The following C4orf50 variants were observed in gnomAD, a reference collection of about 807,000 sequenced individuals.
C4orf50 encodes uncharacterized protein C4orf50.
In C4orf50, 80 loss-of-function variants were observed where a neutral mutation model predicts 77.2. The observed-to-expected ratio is 1.04, with a 90% CI of 0.87 to 1.25. The LOEUF (loss-of-function observed/expected upper bound fraction) is 1.25. Ranked by LOEUF, C4orf50 falls within the 50% of genes most tolerant of loss-of-function variation. The pLI is 0.00. For synonymous variants in C4orf50, 532 were observed against 465.3 expected (o/e 1.14, Z -1.84); for missense variants, 1,257 against 1,152.9 (o/e 1.09, Z -1.31).
At chr4:5,989,661 T>C in exon 28 of C4orf50, 2 of 1,536,120 alleles carry the variant, frequency 1.3e-6, no homozygotes, top group Non-Finnish European at 1.7e-6. Context: ...ACCTGTTGTG[T>C]CCTTTGCTCA....
chr4:5,991,419 G>C (rs1481584227), intron 27 of C4orf50, among the ~76,000 whole-genome samples: 1 of 152,224 alleles, frequency 6.6e-6, no homozygotes, highest in Non-Finnish European at 1.5e-5. Context: ...TCCACTCCCT[G>C]AGGACAGGAC....
Position 6,017,722 on chromosome 4 carries a change from C to A in C4orf50, c.287+423G>T, listed in dbSNP as rs540550024. Among the ~76,000 whole-genome samples the A allele has an allele frequency of 1.3e-5, 2 of 152,258 alleles. No homozygotes were observed. Among genetic ancestry groups the A allele is most frequent in the East Asian group, 3.9e-4 (2 of 5,172 alleles). On this transcript the variant is annotated intron_variant, in intron 23 of 33. Transcript: ENST00000531445. The surrounding 1 kb of genome is among the most constrained non-coding windows in gnomAD (Gnocchi z 4.7). ...AAACCATGCTTCTGTCTGCCAGTTC[C>A]CCTAAAAAAATCACCCCAAACCGAC...
chr4:5,932,170 G>A lies in C4orf50; in HGVS notation c.*2474+24731C>T, dbSNP rs1309917171. ...CCTGCCAGGTGTAAACCCACTGGCT[G>A]GCTATCTTCACAGGCAGGTGAACCA... On this transcript the variant is annotated intron_variant, in intron 7 of 7. Coordinates refer to the C4orf50 transcript ENST00000324058. The surrounding 1 kb of genome is among the most constrained non-coding windows in gnomAD (Gnocchi z 4.2). Among the ~76,000 whole-genome samples the A allele has an allele frequency of 6.6e-5, 10 of 151,774 alleles. No homozygotes were observed. Among genetic ancestry groups the A allele is most frequent in the South Asian group, 2.1e-4 (1 of 4,816 alleles).
At chr4:6,004,289 G>GTGA (rs1560598970) in intron 25 of C4orf50, among the ~76,000 whole-genome samples, 2 of 54,630 alleles carry the variant, frequency 3.7e-5, no homozygotes, top group African/African-American at 1.3e-4. Flanking sequence ...GGTGATGTTG[G>GTGA]TGATGATGGT....
Position 5,932,490 on chromosome 4 carries a change from C to T in C4orf50, c.*2474+24411G>A, listed in dbSNP as rs1426859727. Among the ~76,000 whole-genome samples, 1 of 152,176 alleles carries T rather than the reference C, an allele frequency of 6.6e-6. No homozygotes were observed. The highest frequency in any genetic ancestry group is 6.5e-5 in the Admixed American group (1 of 15,284). ...TTTGTTTTGGAGCCTGGCTGGAGTG[C>T]CGTGGCTCCATCACAGTTCACTGCA... On this transcript the variant is annotated intron_variant, in intron 7 of 7. Transcript: ENST00000324058. The surrounding 1 kb of genome is among the most constrained non-coding windows in gnomAD (Gnocchi z 4.2).
chr4:5,959,597 A>G (rs777666618), exon 34 of C4orf50: 39 of 1,614,020 alleles, frequency 2.4e-5, no homozygotes, highest in Non-Finnish European at 3.2e-5. Context: ...ACGTTCCAGG[A>G]TCAAGCGTGG....
rs1267053234 is a variant in C4orf50 at position 6,008,270 on chromosome 4, G to A, written c.689C>T (p.Ser230Phe). The A allele has an allele frequency of 1.3e-5, 5 of 392,376 alleles. No individual in the cohort carries two copies. The highest frequency in any genetic ancestry group is 2.1e-5 in the African/African-American group (1 of 48,190). 24.3% of individuals were successfully genotyped at this position (392,376 alleles called of 1,614,324 possible). A position where few individuals can be genotyped will look rare whatever the true frequency, so the allele number is the denominator to read the frequency against. Reference sequence around the variant, plus strand: ...CGCAGCCGCCTCGGTGGCGCCCTGGGAGCCTGGGGCCGCGGTGTCCCACTG... The same window carrying A: ...CGCAGCCGCCTCGGTGGCGCCCTGGAAGCCTGGGGCCGCGGTGTCCCACTG... Residue 230 changes from serine (S) to phenylalanine (F), a missense_variant, in exon 25 of 34, where the codon TCC (serine) becomes TTC (phenylalanine). Transcript: ENST00000531445. The surrounding 1 kb of genome is among the most constrained non-coding windows in gnomAD (Gnocchi z 6.0).
At chr4:5,930,496 A>C (rs1177468906) in intron 7 of C4orf50, among the ~76,000 whole-genome samples, 1 of 152,190 alleles carries the variant, frequency 6.6e-6, no homozygotes, top group Non-Finnish European at 1.5e-5. Context: ...AGTTGCTAGA[A>C]GAATCAAAGT....
chr4:5,922,874 T>C (rs12644007), intron 7 of C4orf50, among the ~76,000 whole-genome samples: 55,294 of 152,170 alleles, frequency 0.36, 11,619 homozygotes, highest in East Asian at 0.77. Flanking sequence ...CCCAACCCTG[T>C]CCCATGGCTC....
At chr4:5,997,743 A>G (rs1721656685) in intron 25 of C4orf50, among the ~76,000 whole-genome samples, 1 of 152,230 alleles carries the variant, frequency 6.6e-6, no homozygotes, top group African/African-American at 2.4e-5. Context: ...ATGCCTAGAC[A>G]TTTTCCTATG....
chr4:5,904,595 C>G (rs552144352), intron 7 of C4orf50: 2 of 152,312 alleles, frequency 1.3e-5, no homozygotes, highest in African/African-American at 4.8e-5. Context: ...AAGTCGCCAG[C>G]AAGTTGGAGG....
intron 31 of C4orf50, among the ~76,000 whole-genome samples, chr4:5,968,162 C>T (rs1343626252): frequency 3.3e-5 from 5 of 152,176 alleles, no homozygotes; most frequent in African/African-American, 1.2e-4. Flanking sequence ...TATAGGAGGC[C>T]ATCTCCCTGT....
chr4:5,977,475 TTGTA>T (rs1222856530), intron 29 of C4orf50, among the ~76,000 whole-genome samples: 9 of 152,366 alleles, frequency 5.9e-5, no homozygotes, highest in African/African-American at 1.7e-4. Context: ...TGAGATCACT[TTGTA>T]TGTGATACAA....
At chr4:5,974,663 G>C (rs755596228) in intron 30 of C4orf50, among the ~76,000 whole-genome samples, 2 of 152,164 alleles carry the variant, frequency 1.3e-5, no homozygotes, top group African/African-American at 4.8e-5. Flanking sequence ...CAGAGAGAAA[G>C]AGCAGAGCCC....
rs758781290 is a variant in C4orf50 at position 5,970,245 on chromosome 4, G to A, written c.4105-2783C>T. Among the ~76,000 whole-genome samples, 9 of 152,048 alleles carry A rather than the reference G, an allele frequency of 5.9e-5. No individual in the cohort carries two copies. The highest frequency in any genetic ancestry group is 8.8e-5 in the Non-Finnish European group (6 of 68,000). On this transcript the variant is annotated intron_variant, in intron 31 of 33. Transcript: ENST00000531445. The surrounding 1 kb of genome is among the most constrained non-coding windows in gnomAD (Gnocchi z 4.3). ...GTGCCCTGAGCCCTGCTCACTCAAG[G>A]CGTCCAGGGGACAAGGCGGAATTAA...
Position 6,008,453 on chromosome 4 carries a change from G to A in C4orf50, c.506C>T (p.Ala169Val). ...CAGGGCCGCCGCCTGCTGCCCCAGT[G>A]CCTCGTCCTTGCGCCGCAACCGCTC... Residue 169 changes from alanine (A) to valine (V), a missense_variant, in exon 25 of 34, where the codon GCA becomes GTA. Ala to Val is a moderately conservative substitution (Grantham distance 64, BLOSUM62 0). Coordinates refer to ENST00000531445, the Ensembl canonical transcript of C4orf50. This position sits in a 1 kb window ranked among gnomAD's most constrained non-coding sequence, Gnocchi z 6.0. 5.0e-6 allele frequency: 2 copies of A among 397,332 alleles called. No individual in the cohort carries two copies. The highest frequency in any genetic ancestry group is 8.9e-6 in the Non-Finnish European group (2 of 225,256). The allele number at this position is 397,332 out of a possible 1,614,324, so 24.6% of individuals were successfully genotyped here.
chr4:5,915,987 T>C (rs1717013558), intron 7 of C4orf50, among the ~76,000 whole-genome samples: 1 of 152,226 alleles, frequency 6.6e-6, no homozygotes, highest in Admixed American at 6.5e-5. Context: ...ACAATTTGGC[T>C]GCTTGTGAAA....
intron 31 of C4orf50, among the ~76,000 whole-genome samples, chr4:5,972,749 C>T (rs1473190571): frequency 1.3e-5 from 2 of 152,224 alleles, no homozygotes; most frequent in Admixed American, 6.5e-5. Flanking sequence ...CTGTGTTTAC[C>T]GTGGGAGCTG....
intron 7 of C4orf50, among the ~76,000 whole-genome samples, chr4:5,922,032 G>A (rs1363809256): frequency 1.3e-5 from 2 of 152,212 alleles, no homozygotes; most frequent in African/African-American, 2.4e-5. Flanking sequence ...CCAGTATGCT[G>A]GTTTCTGGTC....
Sources: gnomAD v4.1 joint callset for allele counts (sites outside exome capture counted in the v4.1 genomes callset) on GRCh38, gnomAD v4.1.1 for gene constraint, Gnocchi (gnomAD v3.1) non-coding constraint, MANE v1.5 for transcripts, NCBI Gene and HGNC (gene_info 2026-07-23, HGNC 2026-07-21) for gene names.